PDZD2: variants seen among roughly 807,000 people sequenced by gnomAD.
PDZD2 encodes the protein PDZ domain containing 2, also known as PDZ domain-containing protein 2.
A neutral mutation model predicts 220.7 loss-of-function variants in PDZD2; 90 were observed. That is an observed-to-expected ratio of 0.41 (90% CI 0.34 to 0.49). PDZD2 has a LOEUF of 0.49. PDZD2 is among the 20% of genes least tolerant of loss of function. The probability of loss-of-function intolerance (pLI) is 0.28; values close to 1 mark genes in which losing one functional copy is unlikely to be tolerated. For synonymous variants in PDZD2, 1,375 were observed against 1,450.5 expected (o/e 0.95, Z 1.18); for missense variants, 3,174 against 3,608.5 (o/e 0.88, Z 3.08).
chr5:31,921,890 C>G (rs539258566), intron 2 of PDZD2, among the ~76,000 whole-genome samples: 1 of 152,100 alleles, frequency 6.6e-6, no homozygotes. Context: ...CCCTAGTGCC[C>G]GCCCTCCTCT....
chr5:32,067,797 C>G (rs1300721992), intron 14 of PDZD2, among the ~76,000 whole-genome samples: 1 of 151,942 alleles, frequency 6.6e-6, no homozygotes, highest in Non-Finnish European at 1.5e-5. Flanking sequence ...TGGATAACAA[C>G]AGAAAAACAT....
chr5:31,808,418 GT>G (rs1402166665), intron 2 of PDZD2, among the ~76,000 whole-genome samples: 2 of 152,188 alleles, frequency 1.3e-5, no homozygotes, highest in Non-Finnish European at 2.9e-5. Context: ...AGGATGAAGT[GT>G]AAGTGAAGCA....
intron 1 of PDZD2, among the ~76,000 whole-genome samples, chr5:31,649,249 A>T (rs1745247689): frequency 6.6e-6 from 1 of 152,020 alleles, no homozygotes; most frequent in African/African-American, 2.4e-5. Context: ...TTGCCATTTC[A>T]GTGTGATTCA....
At chr5:31,819,355 T>A (rs1755670938) in intron 2 of PDZD2, among the ~76,000 whole-genome samples, 1 of 152,140 alleles carries the variant, frequency 6.6e-6, no homozygotes, top group Non-Finnish European at 1.5e-5. Flanking sequence ...ATAGTCTTTT[T>A]TGCTGTGTCC....
At chr5:32,026,971 C>T (rs544272697) in intron 6 of PDZD2, among the ~76,000 whole-genome samples, 2 of 152,280 alleles carry the variant, frequency 1.3e-5, no homozygotes, top group South Asian at 2.1e-4. Flanking sequence ...GGCACGATCT[C>T]GGCTCACTGC....
At chr5:31,869,636 GT>G (rs1738590316) in intron 2 of PDZD2, among the ~76,000 whole-genome samples, 2 of 152,184 alleles carry the variant, frequency 1.3e-5, no homozygotes, top group South Asian at 4.1e-4. Flanking sequence ...TTGGAATATT[GT>G]CCATTGTCCT....
intron 1 of PDZD2, among the ~76,000 whole-genome samples, chr5:31,771,704 C>G (rs1752345517): frequency 6.6e-6 from 1 of 152,156 alleles, no homozygotes; most frequent in South Asian, 2.1e-4. Flanking sequence ...TTGCATGAGG[C>G]CAAGGTTAAC....
chr5:32,067,267 G>A (rs12054657), intron 14 of PDZD2, among the ~76,000 whole-genome samples: 18,830 of 152,220 alleles, frequency 0.12, 1,279 homozygotes, highest in East Asian at 0.23. Context: ...TGGGATAGCA[G>A]CTTCTAACTT....
intron 19 of PDZD2, among the ~76,000 whole-genome samples, chr5:32,082,241 C>T (rs1380100083): frequency 6.6e-6 from 1 of 151,758 alleles, no homozygotes; most frequent in Non-Finnish European, 1.5e-5. Context: ...AGGCTGGTCT[C>T]GAACTCCTGA....
intron 20 of PDZD2, among the ~76,000 whole-genome samples, chr5:32,092,465 G>A (rs112446537): frequency 1.3e-5 from 2 of 151,826 alleles, no homozygotes; most frequent in African/African-American, 2.4e-5. Context: ...CCAACTACTC[G>A]GGAGGCTGAG....
intron 2 of PDZD2, among the ~76,000 whole-genome samples, chr5:31,981,701 C>G (rs1750308913): frequency 6.6e-6 from 1 of 152,166 alleles, no homozygotes. Flanking sequence ...GACACTTTTG[C>G]TTGGGAACGA....
Position 31,899,488 on chromosome 5 carries a change from T to C in PDZD2, c.477-83667T>C, listed in dbSNP as rs940785181. On this transcript the variant is annotated intron_variant, in intron 2 of 24. Coordinates refer to ENST00000438447, the MANE Select transcript of PDZD2 (RefSeq NM_178140.4). The stretch of plus-strand genomic sequence containing the variant: ...GGACTTCTAGCATTGTCCTGGAAGG[T>C]GAGCTTCCTGCTGACAGCACAGTCT... Among the ~76,000 whole-genome samples, 3 of 152,146 alleles carry C rather than the reference T, an allele frequency of 2.0e-5. No homozygotes were observed. In the East Asian group the frequency reaches 5.8e-4, roughly 29 times the overall value.
At chr5:31,996,594 G>C (rs1482579955) in intron 4 of PDZD2, among the ~76,000 whole-genome samples, 1 of 152,170 alleles carries the variant, frequency 6.6e-6, no homozygotes, top group Non-Finnish European at 1.5e-5. Flanking sequence ...TGTAGTCCCA[G>C]GTACTTGGGA....
At chr5:31,856,269 C>T (rs192573077) in intron 2 of PDZD2, among the ~76,000 whole-genome samples, 6 of 152,156 alleles carry the variant, frequency 3.9e-5, no homozygotes, top group East Asian at 3.9e-4. Flanking sequence ...TGAGAGGATA[C>T]GGGACCCACC....
intron 2 of PDZD2, among the ~76,000 whole-genome samples, chr5:31,947,812 G>C (rs1746779583): frequency 6.6e-6 from 1 of 151,974 alleles, no homozygotes. Context: ...GTGTGACCTG[G>C]TCTATGCGTC....
chr5:32,027,245 T>C (rs1754744463), intron 6 of PDZD2, among the ~76,000 whole-genome samples: 1 of 152,156 alleles, frequency 6.6e-6, no homozygotes, highest in Non-Finnish European at 1.5e-5. Context: ...TAGAGGACAC[T>C]AGCCTCTCTT....
intron 17 of PDZD2, 69 bp downstream of exon 17, chr5:32,072,386 T>C: frequency 8.0e-7 from 1 of 1,249,820 alleles, no homozygotes; most frequent in Non-Finnish European, 1.1e-6. Context: ...TCCACCTCTG[T>C]GCTGGCGGCT....
At chr5:31,751,626 G>C (rs1750977943) in intron 1 of PDZD2, among the ~76,000 whole-genome samples, 1 of 152,148 alleles carries the variant, frequency 6.6e-6, no homozygotes. Flanking sequence ...CTCATAATGA[G>C]GTATACCCCT....
At chr5:31,885,403 G>A (rs1263454972) in intron 2 of PDZD2, among the ~76,000 whole-genome samples, 2 of 152,128 alleles carry the variant, frequency 1.3e-5, no homozygotes, top group Non-Finnish European at 2.9e-5. Context: ...TGTTAAAATT[G>A]TACATATTCT....
Sources: gnomAD v4.1 joint callset for allele counts (sites outside exome capture counted in the v4.1 genomes callset) on GRCh38, gnomAD v4.1.1 for gene constraint, MANE v1.5 for transcripts, NCBI Gene and HGNC (gene_info 2026-07-23, HGNC 2026-07-21) for gene names.